Variants in PTCHD4 observed in about 807,000 individuals in gnomAD.
PTCHD4 encodes patched domain-containing protein 4.
PTCHD4 carries 33 observed loss-of-function variants against 58.1 expected under a neutral mutation model. That is an observed-to-expected ratio of 0.57 (90% CI 0.43 to 0.76). The LOEUF is 0.76. Ranked by LOEUF, PTCHD4 falls within the 30% of genes least tolerant of loss-of-function variation. PTCHD4 has a pLI of 0.00. For missense variants in PTCHD4, 1,058 were observed against 1,027.1 expected (o/e 1.03, Z -0.41); for synonymous variants, 478 against 409.6 (o/e 1.17, Z -2.02).
chr6:47,964,689 C>A (rs1767219492), intron 4 of PTCHD4, among the ~76,000 whole-genome samples: 2 of 152,204 alleles, frequency 1.3e-5, no homozygotes, highest in Middle Eastern at 3.4e-3. Context: ...TGCAACAACA[C>A]TTCTGTATAA....
At chr6:48,022,751 G>A (rs969207277) in intron 3 of PTCHD4, among the ~76,000 whole-genome samples, 12 of 152,042 alleles carry the variant, frequency 7.9e-5, no homozygotes, top group African/African-American at 2.9e-4. Context: ...AATGCCTTTG[G>A]AAGGTAAATT....
At position 47,878,564 on chromosome 6, in the gene PTCHD4, C is replaced by T. The variant is rs775909388; in HGVS notation, c.2271G>A (p.Leu757=). The T allele has an allele frequency of 1.4e-5, 22 of 1,613,392 alleles. No individual in the cohort carries two copies. Among genetic ancestry groups the T allele is most frequent in the Non-Finnish European group, 1.9e-5 (22 of 1,179,742 alleles). The change falls in exon 5 of 5, where the codon TTG becomes TTA. Residue 757 remains leucine, a synonymous_variant. Transcript: ENST00000339488. ...SSLQDHGTAI[L]QNVTSFLIGL... ...CAATAAGAAAAGAAGTAACATTTTG[C>T]AAAATGGCTGTCCCATGGTCTTGCA...
rs1414398891 is a variant in PTCHD4 at position 47,873,517 on chromosome 6, C to T, written c.*4786G>A. 6.6e-6 allele frequency among the ~76,000 whole-genome samples: 1 copy of T among 151,732 alleles called. No individual in the cohort carries two copies. The highest frequency in any genetic ancestry group is 1.9e-4 in the East Asian group (1 of 5,144). On this transcript the variant is annotated 3_prime_UTR_variant, in exon 5 of 5. Coordinates refer to ENST00000339488, the MANE Select transcript of PTCHD4 (RefSeq NM_001384253.1). ...ATCAAGGTAATTTACTGCTGCTATA[C>T]CCATACACAGTCCCTCCCCTGCTGG...
rs1481659125 is a variant in PTCHD4 at position 47,859,002 on chromosome 6, G to T, written c.*19301C>A. Among the ~76,000 whole-genome samples the T allele has an allele frequency of 6.6e-6, 1 of 151,984 alleles. No individual in the cohort carries two copies. Among genetic ancestry groups the T allele is most frequent in the East Asian group, 1.9e-4 (1 of 5,162 alleles). On this transcript the variant is annotated 3_prime_UTR_variant, in exon 5 of 5. Coordinates refer to ENST00000339488, the MANE Select transcript of PTCHD4 (RefSeq NM_001384253.1). ...ATCAATGAATCATTAATGTGAGCTT[G>T]GAAACAGCAGGTAGAAAACCAATAA... is the stretch of plus-strand genomic sequence containing the variant.
intron 4 of PTCHD4, among the ~76,000 whole-genome samples, chr6:47,988,040 G>T (rs908275885): frequency 4.6e-5 from 7 of 152,082 alleles, no homozygotes; most frequent in Non-Finnish European, 7.4e-5. Context: ...GCCTCCCAAG[G>T]TGTTGGGTTT....
chr6:47,900,719 T>C (rs1764668335), intron 4 of PTCHD4: 1 of 152,256 alleles, frequency 6.6e-6, no homozygotes, highest in Non-Finnish European at 1.5e-5. Context: ...AGTTATTTTG[T>C]TGTCATAAAA....
At chr6:48,106,622 A>G (rs1441242439) in intron 1 of PTCHD4, among the ~76,000 whole-genome samples, 1 of 152,188 alleles carries the variant, frequency 6.6e-6, no homozygotes, top group Non-Finnish European at 1.5e-5. Context: ...CAGGAGAAGG[A>G]AATAAAGGGC....
At chr6:47,921,033 A>G (rs879544798) in intron 4 of PTCHD4, among the ~76,000 whole-genome samples, 1 of 152,156 alleles carries the variant, frequency 6.6e-6, no homozygotes, top group Non-Finnish European at 1.5e-5. Context: ...AAACAAAGAG[A>G]CATCGATTAA....
intron 4 of PTCHD4, among the ~76,000 whole-genome samples, chr6:47,926,980 A>G (rs1023227421): frequency 1.7e-4 from 26 of 152,180 alleles, no homozygotes; most frequent in African/African-American, 6.0e-4. Flanking sequence ...GCATTGTCTG[A>G]TGAGTTCCCT....
At chr6:48,058,269 A>C (rs77906421) in intron 3 of PTCHD4, among the ~76,000 whole-genome samples, 2,262 of 152,380 alleles carry the variant, frequency 0.015, 62 homozygotes, top group African/African-American at 0.052. Context: ...CAGATCCCGA[A>C]TTAGGTCTGA....
rs1015682314 is a variant in PTCHD4, at chr6:47,860,676, C to T, written c.*17627G>A. ...CTTCAATTTCCTAGAGTATTGTTACCTAGCAGGGTCAGGGCTATTAGTGGA... is the reference window on the plus strand; with the variant it reads ...CTTCAATTTCCTAGAGTATTGTTACTTAGCAGGGTCAGGGCTATTAGTGGA... On this transcript the variant is annotated 3_prime_UTR_variant, in exon 5 of 5. Transcript: ENST00000339488. 6.6e-6 allele frequency among the ~76,000 whole-genome samples: 1 copy of T among 151,686 alleles called. No individual in the cohort carries two copies. Among genetic ancestry groups the T allele is most frequent in the East Asian group, 1.9e-4 (1 of 5,138 alleles).
chr6:48,017,587 A>C (rs1431097702), intron 3 of PTCHD4, among the ~76,000 whole-genome samples: 2 of 152,248 alleles, frequency 1.3e-5, no homozygotes, highest in Non-Finnish European at 2.9e-5. Context: ...ATGTGGTAGA[A>C]TCAGTTCTAA....
intron 4 of PTCHD4, among the ~76,000 whole-genome samples, chr6:47,932,180 T>A (rs1404078684): frequency 4.6e-5 from 7 of 152,214 alleles, no homozygotes. Flanking sequence ...TGTAGCCAGC[T>A]GATTTCCGCC....
intron 3 of PTCHD4, among the ~76,000 whole-genome samples, chr6:48,065,804 C>T (rs1582101752): frequency 1.3e-5 from 2 of 152,150 alleles, no homozygotes; most frequent in African/African-American, 2.4e-5. Context: ...AGAGTTAAGA[C>T]AACACATTTG....
chr6:47,977,411 T>C (rs1368734514), intron 4 of PTCHD4, among the ~76,000 whole-genome samples: 10 of 152,228 alleles, frequency 6.6e-5, no homozygotes, highest in Admixed American at 2.6e-4. Context: ...TGAAGAGTTC[T>C]CTGTGACAAG....
intron 3 of PTCHD4, among the ~76,000 whole-genome samples, chr6:48,024,420 A>G (rs568519101): frequency 6.6e-6 from 1 of 152,138 alleles, no homozygotes; most frequent in Admixed American, 6.5e-5. Context: ...AGGTCAACAC[A>G]TGTTTGAAAG....
intron 4 of PTCHD4, among the ~76,000 whole-genome samples, chr6:47,970,424 T>C (rs1200111107): frequency 6.6e-6 from 1 of 152,142 alleles, no homozygotes; most frequent in African/African-American, 2.4e-5. Flanking sequence ...GAATTCAAGT[T>C]GCAGAATCTT....
intron 4 of PTCHD4, among the ~76,000 whole-genome samples, chr6:47,882,417 G>T (rs1480775848): frequency 6.6e-6 from 1 of 151,904 alleles, no homozygotes; most frequent in Admixed American, 6.6e-5. Context: ...TCCAAACTTT[G>T]TTTGGAGATG....
At chr6:47,880,906 A>G (rs1764002228) in intron 4 of PTCHD4, among the ~76,000 whole-genome samples, 3 of 152,172 alleles carry the variant, frequency 2.0e-5, no homozygotes, top group Non-Finnish European at 4.4e-5. Flanking sequence ...CTATATCTGC[A>G]ATTTCCCCTT....
Sources: gnomAD v4.1 joint callset for allele counts (sites outside exome capture counted in the v4.1 genomes callset) on GRCh38, gnomAD v4.1.1 for gene constraint, MANE v1.5 for transcripts, NCBI Gene and HGNC (gene_info 2026-07-23, HGNC 2026-07-21) for gene names.